The following PCDHA1 variants were observed in gnomAD, a reference collection of about 807,000 sequenced individuals.
The protein encoded by PCDHA1 is protocadherin alpha 1.
PCDHA1 carries 42 observed loss-of-function variants against 61.3 expected under a neutral mutation model. That is an observed-to-expected ratio of 0.69 (90% confidence interval 0.54 to 0.89). PCDHA1 has a LOEUF of 0.89. PCDHA1 is among the 40% of genes least tolerant of loss of function. The probability of loss-of-function intolerance (pLI) is 0.00; values close to 1 mark genes in which losing one functional copy is unlikely to be tolerated. For synonymous variants in PCDHA1, 610 were observed against 553.8 expected, an observed-to-expected ratio of 1.10 and a Z score of -1.43; for missense variants, 1,256 against 1,235.3, an observed-to-expected ratio of 1.02 and a Z score of -0.25.
chr5:140,869,407 T>G, intron 1 of PCDHA1: 4 of 1,614,120 alleles, frequency 2.5e-6, no homozygotes, highest in African/African-American at 1.3e-5. Context: ...GAGCGCGGAG[T>G]GCAGCATCCA....
chr5:140,851,678 C>T, intron 1 of PCDHA1: 1 of 917,638 alleles, frequency 1.1e-6, no homozygotes, highest in Non-Finnish European at 1.3e-6. Context: ...GAAATTTTCT[C>T]CATTCAGTGA....
At chr5:140,917,157 G>A (rs77234668) in intron 1 of PCDHA1, among the ~76,000 whole-genome samples, 2,784 of 152,240 alleles carry the variant, frequency 0.018, 84 homozygotes, top group African/African-American at 0.063. Context: ...TGGGGGATAT[G>A]GGAGGGGTGA....
At chr5:140,972,909 G>T (rs999939821) in intron 1 of PCDHA1, among the ~76,000 whole-genome samples, 18 of 151,942 alleles carry the variant, frequency 1.2e-4, no homozygotes, top group African/African-American at 4.4e-4. Flanking sequence ...TGATCCACCC[G>T]CCTTGGCCTC....
intron 1 of PCDHA1, among the ~76,000 whole-genome samples, chr5:140,949,594 G>C (rs914390039): frequency 6.6e-6 from 1 of 151,450 alleles, no homozygotes; most frequent in African/African-American, 2.4e-5. Context: ...ATATTAATGT[G>C]GCCATTCTAG....
chr5:140,872,717 T>TA (rs781995084), intron 1 of PCDHA1, among the ~76,000 whole-genome samples: 11 of 152,194 alleles, frequency 7.2e-5, no homozygotes, highest in Non-Finnish European at 1.5e-4. Context: ...ACTAGGTAAA[T>TA]AAAATTATTC....
chr5:140,950,917 A>G (rs1270492994), intron 1 of PCDHA1, among the ~76,000 whole-genome samples: 10 of 151,524 alleles, frequency 6.6e-5, no homozygotes, highest in African/African-American at 2.4e-4. Context: ...ATTTTATTTC[A>G]GTTCTTTTTC....
intron 1 of PCDHA1, chr5:140,969,211 A>T: frequency 6.2e-7 from 1 of 1,614,206 alleles, no homozygotes; most frequent in Non-Finnish European, 8.5e-7. Context: ...GGGCCCAGAC[A>T]GGACCAGGGC....
At chr5:140,884,520 C>A (rs782029549) in intron 1 of PCDHA1, 1 of 1,614,036 alleles carries the variant, frequency 6.2e-7, no homozygotes, top group Non-Finnish European at 8.5e-7. Flanking sequence ...TGGTCGTACT[C>A]GCAGCAGAGG....
rs781930086 is a variant in PCDHA1, at chr5:140,857,347, G to C, written c.2394+68663G>C. On this transcript the variant is annotated intron_variant, in intron 1 of 3. Coordinates refer to ENST00000504120, the MANE Select transcript of PCDHA1 (RefSeq NM_018900.4). The stretch of plus-strand genomic sequence containing the variant: ...CCGCGCGGGACGGGGGCTCGCCTCC[G>C]CTGTGGGCCACGGCCAGCGTGTCTG... 2.9e-5 allele frequency: 46 copies of C among 1,598,352 alleles called. 5 individuals are homozygous for C. In the Admixed American group the frequency reaches 3.4e-4, roughly 12 times the overall value.
chr5:140,904,555 CT>C (rs569725486), intron 1 of PCDHA1, among the ~76,000 whole-genome samples: 14 of 151,628 alleles, frequency 9.2e-5, no homozygotes, highest in Non-Finnish European at 1.8e-4. Context: ...CATATAATGA[CT>C]TTTTTTTCCT....
intron 1 of PCDHA1, among the ~76,000 whole-genome samples, chr5:140,958,643 T>C (rs2095435479): frequency 1.3e-5 from 2 of 152,020 alleles, no homozygotes. Flanking sequence ...AGAAAACCAA[T>C]CACAGAAAGC....
intron 3 of PCDHA1, among the ~76,000 whole-genome samples, chr5:140,993,462 TCA>T (rs3836747): frequency 0.093 from 13,122 of 140,864 alleles, 629 homozygotes; most frequent in African/African-American, 0.12. Flanking sequence ...TCTTTCTTTC[TCA>T]CACACACACA....
chr5:140,966,161 CT>C, intron 1 of PCDHA1: 1 of 175,442 alleles, frequency 5.7e-6, no homozygotes. Context: ...GCTTGGAGAT[CT>C]TTTCCTGGGG....
In PCDHA1 at chr5:140,786,472, C is replaced by G; in HGVS notation, c.182C>G (p.Pro61Arg). 5.6e-6 allele frequency: 9 copies of G among 1,613,690 alleles called. No individual in the cohort carries two copies. The highest frequency in any genetic ancestry group is 7.6e-6 in the Non-Finnish European group (9 of 1,180,028). The change falls in exon 1 of 4, where the codon CCT becomes CGT. Residue 61 changes from proline (P) to arginine (R), a missense_variant. Transcript: ENST00000504120. The stretch of plus-strand genomic sequence containing the variant: ...GGACTGGAGCTGGCGGAGCTGGTGC[C>G]TCGCCTGTTCCGGGTGGCGTCCAAA... ...DLGLELAELV[P>R]RLFRVASKTH...
At chr5:140,849,651 A>T (rs2041019666) in intron 1 of PCDHA1, 1 of 1,598,758 alleles carries the variant, frequency 6.3e-7, no homozygotes, top group Non-Finnish European at 8.6e-7. Flanking sequence ...CGGGCAGGTT[A>T]CCTGCTCCCT....
intron 1 of PCDHA1, chr5:140,848,313 C>A: frequency 2.7e-6 from 2 of 730,622 alleles, no homozygotes; most frequent in Non-Finnish European, 4.5e-6. Flanking sequence ...CACTCTTTGC[C>A]GCGATGTTCT....
chr5:140,881,724 A>C (rs1165848100), intron 1 of PCDHA1, among the ~76,000 whole-genome samples: 1 of 152,194 alleles, frequency 6.6e-6, no homozygotes, highest in Admixed American at 6.5e-5. Flanking sequence ...GAGGTCTTGA[A>C]AAATATTACA....
At chr5:140,869,605 T>C (rs782447414) in intron 1 of PCDHA1, 132 of 1,613,940 alleles carry the variant, frequency 8.2e-5, no homozygotes, top group Non-Finnish European at 1.1e-4. Context: ...GAATGCTCTA[T>C]TGACCTACAG....
chr5:140,841,299 C>G (rs2150312843), intron 1 of PCDHA1: 11 of 1,365,702 alleles, frequency 8.1e-6, no homozygotes, highest in East Asian at 5.9e-5. Flanking sequence ...ATAATATTTT[C>G]TGATAGGAAA....
Sources: gnomAD v4.1 joint callset for allele counts (sites outside exome capture counted in the v4.1 genomes callset) on GRCh38, gnomAD v4.1.1 for gene constraint, MANE v1.5 for transcripts, NCBI Gene and HGNC (gene_info 2026-07-23, HGNC 2026-07-21) for gene names.